Variants in VWA3B observed in about 807,000 individuals in gnomAD.
VWA3B encodes von Willebrand factor A domain-containing protein 3B.
Under a neutral mutation model 158.3 loss-of-function variants are expected in VWA3B, and 138 were observed. The observed-to-expected ratio is 0.87, with a 90% CI of 0.76 to 1.00. VWA3B has a LOEUF of 1.00. VWA3B is among the 50% of genes least tolerant of loss of function. The pLI is 0.00. For synonymous variants in VWA3B, 596 were observed against 587.3 expected (o/e 1.01, Z -0.21); for missense variants, 1,555 against 1,565.1 (o/e 0.99, Z 0.11).
the VWA3B span, among the ~76,000 whole-genome samples, chr2:98,324,509 A>G: frequency 1.3e-5 from 2 of 152,328 alleles, no homozygotes; most frequent in African/African-American, 4.8e-5. Context: ...AAACAGATCA[A>G]TTAAGGGTAA....
chr2:98,181,169 A>G lies in VWA3B; in HGVS notation c.1268A>G (p.Asp423Gly). The G allele has an allele frequency of 6.2e-7, 1 of 1,614,204 alleles. No individual in the cohort carries two copies. Residue 423 changes from aspartate (D) to glycine (G), a missense_variant, in exon 9 of 28, where the codon GAT (aspartate) becomes GGT (glycine). By Grantham distance (94) the Asp-to-Gly change is moderately conservative. Transcript: ENST00000477737. ...CSFRHADGVVDIKAKPENESV... is the reference protein window; with the variant it reads ...CSFRHADGVVGIKAKPENESV... Reference sequence around the variant, plus strand: ...TTCCGCCACGCTGATGGGGTTGTGGATATAAAAGCCAAACCGGAGAATGAG... The same window carrying G: ...TTCCGCCACGCTGATGGGGTTGTGGGTATAAAAGCCAAACCGGAGAATGAG...
At chr2:98,137,198 A>C (rs916613034) in intron 7 of VWA3B, among the ~76,000 whole-genome samples, 1 of 152,166 alleles carries the variant, frequency 6.6e-6, no homozygotes, top group South Asian at 2.1e-4. Context: ...TGGGGATTCT[A>C]TTTTTAATGT....
intron 5 of VWA3B, among the ~76,000 whole-genome samples, chr2:98,124,931 C>T (rs1191426476): frequency 6.6e-6 from 1 of 152,192 alleles, no homozygotes; most frequent in African/African-American, 2.4e-5. Context: ...CAAGTGAAAA[C>T]ATAAAGGCTC....
chr2:98,220,036 A>C (rs1267465135), intron 14 of VWA3B, among the ~76,000 whole-genome samples: 1 of 151,724 alleles, frequency 6.6e-6, no homozygotes, highest in Non-Finnish European at 1.5e-5. Flanking sequence ...GGTGGTTTGC[A>C]CCTGTAGTTC....
Position 98,312,184 on chromosome 2 carries a change from A to G in VWA3B, c.3736-16A>G. The G allele has an allele frequency of 6.2e-7, 1 of 1,614,158 alleles. No individual in the cohort carries two copies. Among genetic ancestry groups the G allele is most frequent in the Admixed American group, 1.7e-5 (1 of 60,026 alleles). Reference sequence around the variant, plus strand: ...ACCCTAACATCCTTAAGTAATGCTGAACTCTGCTTCCCCAGACAGCCCACC... The same window carrying G: ...ACCCTAACATCCTTAAGTAATGCTGGACTCTGCTTCCCCAGACAGCCCACC... On this transcript the variant is annotated splice_polypyrimidine_tract_variant and intron_variant, in intron 27 of 27. Coordinates refer to ENST00000477737, the MANE Select transcript of VWA3B (RefSeq NM_144992.5).
chr2:98,171,035 A>C (rs1679540393), intron 8 of VWA3B, among the ~76,000 whole-genome samples: 1 of 152,238 alleles, frequency 6.6e-6, no homozygotes, highest in Admixed American at 6.5e-5. Flanking sequence ...ACGGACTGTT[A>C]GGAAAGTTAC....
chr2:98,307,730 C>G (rs566535777), intron 26 of VWA3B, among the ~76,000 whole-genome samples: 3 of 152,256 alleles, frequency 2.0e-5, no homozygotes, highest in African/African-American at 7.2e-5. Context: ...CCAAATGAGG[C>G]CATCTAAAAA....
At chr2:98,274,106 T>C (rs1004540630) in intron 22 of VWA3B, among the ~76,000 whole-genome samples, 5 of 152,218 alleles carry the variant, frequency 3.3e-5, no homozygotes, top group Non-Finnish European at 7.3e-5. Flanking sequence ...TTGAGTAGCC[T>C]CTCTCATTCT....
At chr2:98,128,956 C>T (rs1675601307) in intron 6 of VWA3B, among the ~76,000 whole-genome samples, 1 of 152,266 alleles carries the variant, frequency 6.6e-6, no homozygotes, top group African/African-American at 2.4e-5. Context: ...CCGGTGCTTC[C>T]CTGTGTGGCC....
At position 98,119,682 on chromosome 2, in the gene VWA3B, G is replaced by A. The variant is rs748300287; in HGVS notation, c.461G>A (p.Gly154Glu). 6.2e-7 allele frequency: 1 copy of A among 1,614,106 alleles called. No individual in the cohort carries two copies. Among genetic ancestry groups the A allele is most frequent in the East Asian group, 2.2e-5 (1 of 44,876 alleles). The change falls in exon 4 of 28, where the codon GGG (glycine) becomes GAG (glutamate). Residue 154 changes from glycine to glutamate, a missense_variant. Coordinates refer to ENST00000477737, the MANE Select transcript of VWA3B (RefSeq NM_144992.5). ...IVLDFGGILE[G>E]ELDLCREALT... is the part of the protein sequence containing the mutation. The stretch of plus-strand genomic sequence containing the variant: ...CTGGATTTTGGCGGCATTCTGGAGG[G>A]GGAGCTTGATCTGTGCCGAGAGGCT...
intron 8 of VWA3B, among the ~76,000 whole-genome samples, chr2:98,170,656 G>A (rs1421722579): frequency 6.6e-6 from 1 of 151,738 alleles, no homozygotes; most frequent in Non-Finnish European, 1.5e-5. Context: ...CACCAGGCTG[G>A]AGTGCAGTGA....
intron 23 of VWA3B, chr2:98,292,050 C>G (rs1457498195): frequency 1.3e-5 from 2 of 149,578 alleles, no homozygotes; most frequent in East Asian, 3.9e-4. Flanking sequence ...TCAAGACCAG[C>G]CTGGCCAACA....
intron 14 of VWA3B, among the ~76,000 whole-genome samples, chr2:98,225,604 G>A (rs1453604825): frequency 6.6e-6 from 1 of 151,596 alleles, no homozygotes; most frequent in East Asian, 1.9e-4. Flanking sequence ...ATGGGAACAA[G>A]GCAAGAAAAG....
intron 6 of VWA3B, among the ~76,000 whole-genome samples, chr2:98,129,577 A>C (rs1675696125): frequency 6.6e-6 from 1 of 152,088 alleles, no homozygotes; most frequent in South Asian, 2.1e-4. Context: ...TCCATAGGGG[A>C]ACCATGAGTA....
chr2:98,236,043 C>T (rs1024060821), intron 17 of VWA3B, among the ~76,000 whole-genome samples: 1 of 152,136 alleles, frequency 6.6e-6, no homozygotes, highest in Non-Finnish European at 1.5e-5. Context: ...GATCAAGGCT[C>T]TCATATAATT....
intron 8 of VWA3B, among the ~76,000 whole-genome samples, chr2:98,180,321 A>G (rs944124616): frequency 2.6e-5 from 4 of 152,038 alleles, no homozygotes; most frequent in Non-Finnish European, 5.9e-5. Flanking sequence ...CCTCCCAAGT[A>G]GTTGGGATTA....
At chr2:98,228,071 T>C in intron 14 of VWA3B, 131 bp from the exon 15 acceptor site, 1 of 1,017,756 alleles carries the variant, frequency 9.8e-7, no homozygotes, top group East Asian at 2.7e-5. Context: ...AGAGGATCAC[T>C]TGAGCCCAGG....
At chr2:98,088,563 T>C (rs944435300) in intron 1 of VWA3B, among the ~76,000 whole-genome samples, 1 of 152,224 alleles carries the variant, frequency 6.6e-6, no homozygotes, top group Non-Finnish European at 1.5e-5. Flanking sequence ...GGAAATACTT[T>C]CCTATCCAAA....
chr2:98,328,155 C>T, the VWA3B span, among the ~76,000 whole-genome samples: 3 of 152,172 alleles, frequency 2.0e-5, no homozygotes, highest in Admixed American at 2.0e-4. Flanking sequence ...TGTGTTACTG[C>T]CACTCATGGT....
Sources: gnomAD v4.1 joint callset for allele counts (sites outside exome capture counted in the v4.1 genomes callset) on GRCh38, gnomAD v4.1.1 for gene constraint, MANE v1.5 for transcripts, NCBI Gene and HGNC (gene_info 2026-07-23, HGNC 2026-07-21) for gene names.